FAM117B: variants seen among roughly 807,000 people sequenced by gnomAD.
FAM117B encodes the protein protein FAM117B.
A neutral mutation model predicts 52.8 loss-of-function variants in FAM117B; 22 were observed. That is an observed-to-expected ratio of 0.42 (90% CI 0.30 to 0.59). FAM117B has a LOEUF of 0.59. Among genes scored for constraint, FAM117B ranks in the 20% least tolerant of loss-of-function variants. FAM117B has a pLI of 0.22. For synonymous variants in FAM117B, 309 were observed against 324.1 expected, an observed-to-expected ratio of 0.95 and a Z score of 0.50; for missense variants, 678 against 802.6, an observed-to-expected ratio of 0.84 and a Z score of 1.88.
At chr2:202,743,951 A>G (rs1447530290) in intron 4 of FAM117B, among the ~76,000 whole-genome samples, 1 of 152,244 alleles carries the variant, frequency 6.6e-6, no homozygotes, top group Non-Finnish European at 1.5e-5. Flanking sequence ...TCGAAAACCT[A>G]TTGAGTGAAG....
At chr2:202,713,853 C>T (rs1690995271) in intron 2 of FAM117B, among the ~76,000 whole-genome samples, 1 of 152,142 alleles carries the variant, frequency 6.6e-6, no homozygotes, top group African/African-American at 2.4e-5. Context: ...ATTTCAGGCA[C>T]ATGCCACCAT....
chr2:202,747,763 G>A (rs1357544130), intron 4 of FAM117B, among the ~76,000 whole-genome samples: 3 of 151,998 alleles, frequency 2.0e-5, no homozygotes, highest in East Asian at 3.9e-4. Context: ...GGAAATGAAA[G>A]ATATCTACAA....
chr2:202,709,436 A>T (rs2105781620), intron 2 of FAM117B, among the ~76,000 whole-genome samples: 1 of 152,306 alleles, frequency 6.6e-6, no homozygotes, highest in African/African-American at 2.4e-5. Context: ...TCCTGACCTC[A>T]GGCGATCTGC....
intron 1 of FAM117B, among the ~76,000 whole-genome samples, chr2:202,654,237 A>T (rs1690020133): frequency 6.6e-6 from 1 of 151,282 alleles, no homozygotes; most frequent in Non-Finnish European, 1.5e-5. Context: ...ACTGAGATAT[A>T]AAATATATCC....
chr2:202,688,613 G>T (rs1386652144), intron 1 of FAM117B, among the ~76,000 whole-genome samples: 2 of 152,010 alleles, frequency 1.3e-5, no homozygotes, highest in Non-Finnish European at 2.9e-5. Context: ...TTGAAATATT[G>T]TTAATATATA....
At chr2:202,718,946 C>G (rs971227977) in intron 2 of FAM117B, among the ~76,000 whole-genome samples, 3 of 152,188 alleles carry the variant, frequency 2.0e-5, no homozygotes, top group Non-Finnish European at 4.4e-5. Context: ...AGAAGAAGCT[C>G]TTCGAGAATA....
intron 7 of FAM117B, among the ~76,000 whole-genome samples, chr2:202,764,304 G>A (rs895272966): frequency 1.1e-4 from 17 of 152,188 alleles, no homozygotes; most frequent in African/African-American, 4.1e-4. Flanking sequence ...TTGCTCTGCT[G>A]TCCAGGCTGG....
chr2:202,712,087 A>G (rs1426147946), intron 2 of FAM117B, among the ~76,000 whole-genome samples: 1 of 151,938 alleles, frequency 6.6e-6, no homozygotes, highest in Non-Finnish European at 1.5e-5. Context: ...GAAGAATGTT[A>G]TGGTATTTTG....
At chr2:202,715,804 G>GT (rs1405594640) in intron 2 of FAM117B, among the ~76,000 whole-genome samples, 1 of 152,272 alleles carries the variant, frequency 6.6e-6, no homozygotes, top group Non-Finnish European at 1.5e-5. Flanking sequence ...TGAGCACTGA[G>GT]TGAATGAGAC....
At chr2:202,659,763 C>T (rs1174942469) in intron 1 of FAM117B, among the ~76,000 whole-genome samples, 1 of 151,682 alleles carries the variant, frequency 6.6e-6, no homozygotes, top group African/African-American at 2.4e-5. Context: ...TACAGGCACA[C>T]ACTACCATGC....
intron 1 of FAM117B, among the ~76,000 whole-genome samples, chr2:202,657,211 C>T (rs1690067789): frequency 6.6e-6 from 1 of 152,124 alleles, no homozygotes; most frequent in East Asian, 1.9e-4. Context: ...CCTCAGCCTC[C>T]TGAGTAGCTG....
chr2:202,662,821 C>T (rs573801567), intron 1 of FAM117B, among the ~76,000 whole-genome samples: 12 of 151,498 alleles, frequency 7.9e-5, no homozygotes, highest in South Asian at 6.3e-4. Flanking sequence ...TCTAGCCTGG[C>T]GATACAGTGA....
chr2:202,751,507 G>T (rs1559115729), intron 4 of FAM117B, among the ~76,000 whole-genome samples: 3 of 152,056 alleles, frequency 2.0e-5, no homozygotes, highest in South Asian at 2.1e-4. Context: ...AGTGGCTCAC[G>T]CCTGTAATCC....
chr2:202,665,535 A>G (rs1242242018), intron 1 of FAM117B, among the ~76,000 whole-genome samples: 1 of 152,214 alleles, frequency 6.6e-6, no homozygotes, highest in East Asian at 1.9e-4. Context: ...CTCTTGGCAC[A>G]TGATGTAATC....
chr2:202,754,716 G>A (rs62194155), intron 4 of FAM117B, among the ~76,000 whole-genome samples: 275 of 151,310 alleles, frequency 1.8e-3, no homozygotes, highest in Admixed American at 4.4e-3. Context: ...GTGAAACCCC[G>A]TCTCTACTAA....
chr2:202,708,477 C>T (rs1376209683), intron 2 of FAM117B, among the ~76,000 whole-genome samples: 4 of 152,108 alleles, frequency 2.6e-5, no homozygotes, highest in Non-Finnish European at 5.9e-5. Flanking sequence ...ATTCATCTGC[C>T]AATGGATATT....
Position 202,635,371 on chromosome 2 carries a change from G to C in FAM117B, c.184G>C (p.Gly62Arg), listed in dbSNP as rs1481579215. 3.6e-6 allele frequency: 5 copies of C among 1,370,562 alleles called. No homozygotes were observed. In the South Asian group the frequency reaches 8.5e-5, roughly 23 times the overall value. 84.9% of individuals were successfully genotyped at this position (1,370,562 alleles called of 1,614,324 possible). Residue 62 changes from glycine to arginine, a missense_variant, in exon 1 of 8, where the codon GGC (glycine) becomes CGC (arginine). Physicochemically the swap from Gly to Arg is moderately radical, Grantham distance 125. This residue lies in a region of FAM117B where 583 missense variants were observed against 644.8 expected (regional missense o/e 0.90). Transcript: ENST00000392238. ...CCCCACGCGGAGCGGCGGCGGCGGC[G>C]GCGGCAACAACAACGGTGGCTGCTG... ...GSPTRSGGGG[G>R]GNNNGGCCGG...
chr2:202,716,733 CTG>C (rs1350463832), intron 2 of FAM117B, among the ~76,000 whole-genome samples: 1 of 152,052 alleles, frequency 6.6e-6, no homozygotes, highest in Non-Finnish European at 1.5e-5. Context: ...TCTTCTGAGT[CTG>C]TGTTTTCAAA....
At chr2:202,666,572 G>C (rs1393875090) in intron 1 of FAM117B, among the ~76,000 whole-genome samples, 1 of 151,864 alleles carries the variant, frequency 6.6e-6, no homozygotes, top group African/African-American at 2.4e-5. Flanking sequence ...TTCACTGGTG[G>C]GTGGGATGTG....
Sources: allele counts gnomAD v4.1 joint callset (sites outside exome capture counted in the v4.1 genomes callset), GRCh38; gene constraint gnomAD v4.1.1; regional missense constraint gnomAD v4.1.1; transcripts MANE v1.5; gene names NCBI Gene and HGNC (gene_info 2026-07-23, HGNC 2026-07-21).